The following RBFOX1 variants were observed in gnomAD, a reference collection of about 807,000 sequenced individuals.
The protein encoded by RBFOX1 is RNA binding fox-1 homolog 1.
RBFOX1 carries 8 observed loss-of-function variants against 57.7 expected under a neutral mutation model. The observed-to-expected ratio is 0.14, with a 90% confidence interval of 0.08 to 0.25. RBFOX1 has a LOEUF of 0.25. Ranked by LOEUF, RBFOX1 falls within the 10% of genes least tolerant of loss-of-function variation. The pLI is 1.00. For missense variants in RBFOX1, 611 were observed against 548.5 expected (o/e 1.11, Z -1.14); for synonymous variants, 326 against 222.4 (o/e 1.47, Z -4.15).
chr16:6,600,620 C>G (rs2097841872), intron 2 of RBFOX1, among the ~76,000 whole-genome samples: 1 of 152,250 alleles, frequency 6.6e-6, no homozygotes, highest in South Asian at 2.1e-4. Flanking sequence ...CTGGGGAAAT[C>G]AGAACTGAAA....
chr16:6,459,984 C>CAAAAAAAAAAAAAAAAAAA lies in RBFOX1; in HGVS notation c.-64+142953_-64+142971dup, dbSNP rs149424076. On this transcript the variant is annotated intron_variant, in intron 2 of 15. Transcript: ENST00000550418. ...GGGCAACAAGAGTGAAACTCCATCT[C>CAAAAAAAAAAAAAAAAAAA]AAAAAAAAAAAAAAAAAAAAAAAAA... 3.8e-4 allele frequency among the ~76,000 whole-genome samples: 18 copies of CAAAAAAAAAAAAAAAAAAA among 47,684 alleles called. 2 individuals carry two copies. Among genetic ancestry groups the CAAAAAAAAAAAAAAAAAAA allele is most frequent in the Non-Finnish European group, 4.9e-4 (12 of 24,692 alleles). The allele number at this position is 47,684 out of a possible 152,430, so 31.3% of individuals were successfully genotyped here.
intron 4 of RBFOX1, among the ~76,000 whole-genome samples, chr16:7,176,829 A>G (rs74768294): frequency 6.6e-6 from 1 of 152,232 alleles, no homozygotes; most frequent in Non-Finnish European, 1.5e-5. Flanking sequence ...GTGGTAATAA[A>G]TGTAAAGAAA....
chr16:7,076,018 A>G (rs146488463), intron 4 of RBFOX1, among the ~76,000 whole-genome samples: 1,644 of 148,734 alleles, frequency 0.011, 16 homozygotes, highest in Non-Finnish European at 0.017. Context: ...GTCAGTTTCT[A>G]TTTATCCTCA....
intron 4 of RBFOX1, among the ~76,000 whole-genome samples, chr16:7,348,490 G>A (rs1248992158): frequency 6.6e-6 from 1 of 151,890 alleles, no homozygotes. Context: ...CTTTCCACAT[G>A]CCCCTTTGCT....
chr16:6,165,417 A>T (rs1213690910), intron 1 of RBFOX1, among the ~76,000 whole-genome samples: 1 of 152,186 alleles, frequency 6.6e-6, no homozygotes, highest in Non-Finnish European at 1.5e-5. Context: ...CATTATACTG[A>T]AGACAATAAA....
chr16:6,922,960 A>G (rs1293544683), intron 3 of RBFOX1, among the ~76,000 whole-genome samples: 1 of 152,212 alleles, frequency 6.6e-6, no homozygotes, highest in African/African-American at 2.4e-5. Context: ...ACATATCCAA[A>G]TCAGATGATG....
intron 1 of RBFOX1, among the ~76,000 whole-genome samples, chr16:5,413,322 C>T (rs2067074337): frequency 6.6e-6 from 1 of 152,166 alleles, no homozygotes; most frequent in African/African-American, 2.4e-5. Flanking sequence ...TCTTTCGTTT[C>T]CCAGAAAGGG....
At chr16:6,217,317 A>G (rs374253727) in intron 1 of RBFOX1, among the ~76,000 whole-genome samples, 1 of 151,984 alleles carries the variant, frequency 6.6e-6, no homozygotes, top group Non-Finnish European at 1.5e-5. Context: ...TTATTGGAGC[A>G]TGCATGTGTT....
chr16:6,310,990 C>T (rs1265514722), intron 1 of RBFOX1, among the ~76,000 whole-genome samples: 1 of 151,764 alleles, frequency 6.6e-6, no homozygotes, highest in Non-Finnish European at 1.5e-5. Flanking sequence ...TAGGACATTT[C>T]AATTTAGTTT....
intron 2 of RBFOX1, among the ~76,000 whole-genome samples, chr16:5,520,957 C>T (rs1423429471): frequency 6.6e-6 from 1 of 152,194 alleles, no homozygotes; most frequent in African/African-American, 2.4e-5. Flanking sequence ...CAGCCAACTG[C>T]AGCCTGTGTG....
intron 1 of RBFOX1, among the ~76,000 whole-genome samples, chr16:6,194,083 A>C (rs1336127807): frequency 6.6e-6 from 1 of 152,136 alleles, no homozygotes; most frequent in Non-Finnish European, 1.5e-5. Context: ...ACACATTCTA[A>C]GTAAGTGGAA....
At chr16:5,808,401 G>C (rs1482292968) in intron 3 of RBFOX1, among the ~76,000 whole-genome samples, 1 of 152,116 alleles carries the variant, frequency 6.6e-6, no homozygotes, top group African/African-American at 2.4e-5. Flanking sequence ...TGGCGATGCG[G>C]GCTCTTTTTT....
intron 4 of RBFOX1, among the ~76,000 whole-genome samples, chr16:7,385,374 G>T (rs74012518): frequency 6.6e-6 from 1 of 152,130 alleles, no homozygotes; most frequent in African/African-American, 2.4e-5. Context: ...TGGAAGTACC[G>T]TTGTAGAAAA....
intron 1 of RBFOX1, among the ~76,000 whole-genome samples, chr16:5,255,093 G>T (rs1263725303): frequency 1.3e-5 from 2 of 152,116 alleles, no homozygotes; most frequent in Non-Finnish European, 2.9e-5. Flanking sequence ...GCTGTAATTT[G>T]CATTAGTTGT....
intron 14 of RBFOX1, among the ~76,000 whole-genome samples, chr16:7,701,013 C>T (rs761480065): frequency 6.6e-6 from 1 of 152,096 alleles, no homozygotes; most frequent in Non-Finnish European, 1.5e-5. Context: ...AGTTCTGTGG[C>T]TTCTCATGTA....
At chr16:6,994,842 A>G (rs114558551) in intron 3 of RBFOX1, among the ~76,000 whole-genome samples, 10,094 of 152,202 alleles carry the variant, frequency 0.066, 403 homozygotes, top group South Asian at 0.17. Flanking sequence ...TTCACTTTTG[A>G]TGGTAGACAC....
chr16:6,939,286 A>G (rs1440757189), intron 3 of RBFOX1, among the ~76,000 whole-genome samples: 1 of 152,092 alleles, frequency 6.6e-6, no homozygotes. Context: ...ATGAGTCATT[A>G]TTTTGGGCCA....
intron 3 of RBFOX1, among the ~76,000 whole-genome samples, chr16:6,949,003 A>T (rs557511805): frequency 3.9e-5 from 6 of 152,200 alleles, no homozygotes; most frequent in Admixed American, 3.9e-4. Flanking sequence ...AAAGGAAGGG[A>T]TTCTCGATTA....
chr16:6,637,533 A>G (rs1214464443), intron 2 of RBFOX1, among the ~76,000 whole-genome samples: 3 of 119,192 alleles, frequency 2.5e-5, no homozygotes, highest in Non-Finnish European at 3.3e-5. Context: ...TATTCTGTAT[A>G]GTATATACAA....
Sources: allele counts gnomAD v4.1 joint callset (sites outside exome capture counted in the v4.1 genomes callset), GRCh38; gene constraint gnomAD v4.1.1; transcripts MANE v1.5; gene names NCBI Gene and HGNC (gene_info 2026-07-23, HGNC 2026-07-21).